The following CSMD1 variants were observed in gnomAD, a reference collection of about 807,000 sequenced individuals.
CSMD1 encodes CUB and Sushi multiple domains 1.
CSMD1 carries 213 observed loss-of-function variants against 417.5 expected under a neutral mutation model. The ratio of observed to expected loss-of-function variants is 0.51; its 90% CI spans 0.46 to 0.57. CSMD1 has a LOEUF of 0.57. Among genes scored for constraint, CSMD1 ranks in the 20% least tolerant of loss-of-function variants. The pLI is 0.00. For synonymous variants in CSMD1, 2,862 were observed against 1,736.8 expected, an observed-to-expected ratio of 1.65 and a Z score of -16.11; for missense variants, 6,923 against 4,529.7, an observed-to-expected ratio of 1.53 and a Z score of -15.17.
chr8:3,520,226 A>G (rs1797451359), intron 10 of CSMD1, among the ~76,000 whole-genome samples: 1 of 152,094 alleles, frequency 6.6e-6, no homozygotes, highest in Admixed American at 6.6e-5. Context: ...CTATATGTAG[A>G]TAAGTTGATT....
At chr8:4,421,103 T>C (rs1263166959) in intron 2 of CSMD1, among the ~76,000 whole-genome samples, 3 of 152,088 alleles carry the variant, frequency 2.0e-5, no homozygotes, top group African/African-American at 7.2e-5. Context: ...TTTCAGACAG[T>C]GCATTCACAT....
At chr8:4,890,277 G>T (rs1804024018) in intron 1 of CSMD1, among the ~76,000 whole-genome samples, 1 of 152,244 alleles carries the variant, frequency 6.6e-6, no homozygotes, top group Middle Eastern at 3.4e-3. Context: ...TGAGAAACGA[G>T]AAATGCAAAT....
chr8:3,886,292 G>A (rs571668341), intron 5 of CSMD1, among the ~76,000 whole-genome samples: 95 of 152,218 alleles, frequency 6.2e-4, no homozygotes, highest in African/African-American at 2.0e-3. Flanking sequence ...CAAGTAATCC[G>A]ACTGCCTCAG....
At chr8:3,374,268 G>A (rs544059821) in intron 18 of CSMD1, among the ~76,000 whole-genome samples, 65 of 152,004 alleles carry the variant, frequency 4.3e-4, no homozygotes, top group African/African-American at 1.4e-3. Flanking sequence ...CCATCCACCC[G>A]TTTTTCAAGT....
intron 10 of CSMD1, among the ~76,000 whole-genome samples, chr8:3,537,624 T>C (rs1433154505): frequency 6.6e-6 from 1 of 152,230 alleles, no homozygotes; most frequent in Non-Finnish European, 1.5e-5. Context: ...GTGTTTCCTT[T>C]AATGAAATTT....
chr8:4,795,252 C>CTTTTTTTTTTTTTTT lies in CSMD1; in HGVS notation c.86-157709_86-157695dup, dbSNP rs571984359. Among the ~76,000 whole-genome samples, 79 of 46,250 alleles carry CTTTTTTTTTTTTTTT rather than the reference C, an allele frequency of 1.7e-3. 19 individuals are homozygous for CTTTTTTTTTTTTTTT. Among genetic ancestry groups the CTTTTTTTTTTTTTTT allele is most frequent in the Non-Finnish European group, 2.3e-3 (55 of 23,986 alleles). The allele number at this position is 46,250 out of a possible 152,430, so 30.3% of individuals were successfully genotyped here. On this transcript the variant is annotated intron_variant, in intron 1 of 69. Transcript: ENST00000635120. ...ATTTCTAGGTCTGCTGGTGTCATAG[C>CTTTTTTTTTTTTTTT]TTTTTTTTTTTTTTTTTTTTTTTTT...
chr8:4,857,617 C>A (rs1216644952), intron 1 of CSMD1, among the ~76,000 whole-genome samples: 2 of 152,104 alleles, frequency 1.3e-5, no homozygotes, highest in Non-Finnish European at 2.9e-5. Flanking sequence ...AAACTACCAA[C>A]AGGGAATACT....
intron 5 of CSMD1, among the ~76,000 whole-genome samples, chr8:3,788,586 C>G (rs1450810950): frequency 2.6e-5 from 4 of 152,136 alleles, no homozygotes. Context: ...TAAATCTTAC[C>G]AAAGGTGTTA....
chr8:3,493,120 C>T (rs1435845531), intron 11 of CSMD1, among the ~76,000 whole-genome samples: 1 of 151,868 alleles, frequency 6.6e-6, no homozygotes, highest in Non-Finnish European at 1.5e-5. Flanking sequence ...ATGGCAAACG[C>T]CTGTCTCTAA....
At chr8:3,026,974 C>A (rs1034782658) in intron 51 of CSMD1, among the ~76,000 whole-genome samples, 2 of 151,926 alleles carry the variant, frequency 1.3e-5, no homozygotes, top group African/African-American at 2.4e-5. Flanking sequence ...GAGGAGAAAG[C>A]GGCCATTAAG....
intron 11 of CSMD1, chr8:3,469,052 T>A (rs1816939178): frequency 2.7e-6 from 1 of 375,928 alleles, no homozygotes; most frequent in East Asian, 4.3e-5. Context: ...ATTCGTGAAT[T>A]TTCTTTTAAA....
intron 7 of CSMD1, among the ~76,000 whole-genome samples, chr8:3,683,903 CA>C (rs1799799159): frequency 6.6e-6 from 1 of 151,660 alleles, no homozygotes; most frequent in East Asian, 1.9e-4. Flanking sequence ...TTATTGATTT[CA>C]AAAAATGACT....
chr8:3,217,255 G>T (rs1797933586), intron 29 of CSMD1, among the ~76,000 whole-genome samples: 1 of 152,348 alleles, frequency 6.6e-6, no homozygotes, highest in Admixed American at 6.5e-5. Context: ...TCTCTTTCCT[G>T]TGATTTTTAT....
intron 5 of CSMD1, among the ~76,000 whole-genome samples, chr8:3,922,056 G>T (rs992004802): frequency 5.3e-5 from 8 of 151,966 alleles, no homozygotes; most frequent in African/African-American, 1.9e-4. Context: ...ATATATGTAG[G>T]TGCTACAATG....
intron 1 of CSMD1, among the ~76,000 whole-genome samples, chr8:4,901,899 T>G (rs1387209462): frequency 6.6e-6 from 1 of 152,010 alleles, no homozygotes; most frequent in Non-Finnish European, 1.5e-5. Context: ...ACACTTCCAT[T>G]TACCCTAAAT....
chr8:4,574,686 G>T (rs1439197282), intron 2 of CSMD1, among the ~76,000 whole-genome samples: 1 of 152,134 alleles, frequency 6.6e-6, no homozygotes, highest in Non-Finnish European at 1.5e-5. Context: ...CTCTCTTCCA[G>T]ATATGTGGGG....
Position 3,620,592 on chromosome 8 carries a change from G to C in CSMD1, c.1010-3795C>G, listed in dbSNP as rs141600239. 8.5e-5 allele frequency among the ~76,000 whole-genome samples: 13 copies of C among 152,222 alleles called. No individual in the cohort carries two copies. In the East Asian group the frequency reaches 2.5e-3, roughly 29 times the overall value. On this transcript the variant is annotated intron_variant, in intron 7 of 69. Transcript: ENST00000635120. ...ATGAAGTAAACTGGTGTCAATTTAA[G>C]ATACTGCCATCATTGTAGGATGTTA...
At chr8:4,632,603 G>C (rs1318330596) in intron 2 of CSMD1, among the ~76,000 whole-genome samples, 1 of 152,086 alleles carries the variant, frequency 6.6e-6, no homozygotes, top group African/African-American at 2.4e-5. Context: ...AGAGGATTAT[G>C]TTCTATTAGA....
intron 1 of CSMD1, among the ~76,000 whole-genome samples, chr8:4,856,117 C>G (rs1183554152): frequency 2.6e-5 from 4 of 151,814 alleles, no homozygotes; most frequent in African/African-American, 4.8e-5. Flanking sequence ...ATTCAACATT[C>G]TTAAAGACAA....
Sources: allele counts gnomAD v4.1 joint callset (sites outside exome capture counted in the v4.1 genomes callset), GRCh38; gene constraint gnomAD v4.1.1; transcripts MANE v1.5; gene names NCBI Gene and HGNC (gene_info 2026-07-23, HGNC 2026-07-21).